ADCK1: variants seen among roughly 807,000 people sequenced by gnomAD.
ADCK1 encodes aarF domain containing kinase 1.
ADCK1 carries 41 observed loss-of-function variants against 52.3 expected under a neutral mutation model. The observed-to-expected ratio is 0.78, with a 90% CI of 0.61 to 1.02. The LOEUF (loss-of-function observed/expected upper bound fraction) is 1.02. Among genes scored for constraint, ADCK1 ranks in the 50% least tolerant of loss-of-function variants. The pLI is 0.00. For synonymous variants in ADCK1, 250 were observed against 274.6 expected (o/e 0.91, Z 0.89); for missense variants, 658 against 679.5 (o/e 0.97, Z 0.35).
At chr14:77,803,469 T>G (rs1224425635) in intron 1 of ADCK1, among the ~76,000 whole-genome samples, 2 of 152,182 alleles carry the variant, frequency 1.3e-5, no homozygotes, top group African/African-American at 4.8e-5. Context: ...CCCATTTAGT[T>G]CTGTCAAGGG....
chr14:77,872,300 C>T (rs1031998599), intron 4 of ADCK1, among the ~76,000 whole-genome samples: 2 of 152,162 alleles, frequency 1.3e-5, no homozygotes, highest in Non-Finnish European at 2.9e-5. Context: ...GCTTGAGTGT[C>T]ACCGGACTCC....
At chr14:77,909,836 C>A (rs2083752920) in intron 7 of ADCK1, among the ~76,000 whole-genome samples, 2 of 152,168 alleles carry the variant, frequency 1.3e-5, no homozygotes, top group African/African-American at 4.8e-5. Flanking sequence ...CTGTGCCAGG[C>A]CCTTTTCTCC....
chr14:77,801,293 C>T (rs1325173522), intron 1 of ADCK1, among the ~76,000 whole-genome samples: 1 of 152,158 alleles, frequency 6.6e-6, no homozygotes, highest in East Asian at 1.9e-4. Context: ...ACGTTGAGTA[C>T]CACTGCTTTA....
chr14:77,821,099 C>T (rs1194954806), intron 2 of ADCK1: 1 of 152,146 alleles, frequency 6.6e-6, no homozygotes, highest in Non-Finnish European at 1.5e-5. Flanking sequence ...CTGTGACTGA[C>T]TGTGAACAAT....
chr14:77,825,142 G>A (rs143940531), intron 3 of ADCK1, among the ~76,000 whole-genome samples: 1 of 152,172 alleles, frequency 6.6e-6, no homozygotes, highest in Non-Finnish European at 1.5e-5. Context: ...TGCCACAGAC[G>A]ATAGTTGGTT....
intron 1 of ADCK1, among the ~76,000 whole-genome samples, chr14:77,805,933 A>G (rs189419731): frequency 1.3e-5 from 2 of 151,222 alleles, no homozygotes; most frequent in South Asian, 4.2e-4. Context: ...GATTATAGAA[A>G]CTATGCTACA....
chr14:77,892,742 C>T (rs879932873), intron 5 of ADCK1, among the ~76,000 whole-genome samples: 5 of 152,166 alleles, frequency 3.3e-5, no homozygotes, highest in Non-Finnish European at 7.4e-5. Context: ...CTGAGACCAC[C>T]TTGATTGGCT....
chr14:77,897,488 G>T (rs1439265874), intron 5 of ADCK1, among the ~76,000 whole-genome samples: 1 of 152,050 alleles, frequency 6.6e-6, no homozygotes, highest in Non-Finnish European at 1.5e-5. Context: ...CAGATCACTG[G>T]GCTCTTCTTT....
At chr14:77,857,750 A>G (rs2082451695) in intron 3 of ADCK1, among the ~76,000 whole-genome samples, 1 of 152,212 alleles carries the variant, frequency 6.6e-6, no homozygotes, top group African/African-American at 2.4e-5. Flanking sequence ...GCATGATTTT[A>G]TGGCCCCCAA....
rs921313222 is a variant in ADCK1 at position 77,844,171 on chromosome 14, A to G, written c.220-14905A>G. On this transcript the variant is annotated intron_variant, in intron 3 of 10. Transcript: ENST00000238561. The stretch of plus-strand genomic sequence containing the variant: ...CAACCTCTGCCTGGAGGTTCAAGCA[A>G]TTGGGTTCAAGCAATTCTTGTGCTT... 2.6e-5 allele frequency among the ~76,000 whole-genome samples: 4 copies of G among 151,950 alleles called. 1 individual carries two copies. Among genetic ancestry groups the G allele is most frequent in the East Asian group, 3.9e-4 (2 of 5,184 alleles).
intron 1 of ADCK1, among the ~76,000 whole-genome samples, chr14:77,815,055 A>C (rs998608586): frequency 2.0e-4 from 27 of 137,060 alleles, no homozygotes; most frequent in Non-Finnish European, 3.7e-4. Context: ...CGCCCAGCTA[A>C]TTTTTTTTTT....
At chr14:77,924,335 G>A (rs552954949) in intron 7 of ADCK1, 122 bp from the exon 8 acceptor site, 16 of 1,314,602 alleles carry the variant, frequency 1.2e-5, no homozygotes, top group South Asian at 1.0e-4. Flanking sequence ...CACCACAACC[G>A]CTCCGGCCCA....
At chr14:77,917,427 C>G (rs1252749875) in intron 7 of ADCK1, among the ~76,000 whole-genome samples, 1 of 148,036 alleles carries the variant, frequency 6.8e-6, no homozygotes, top group Non-Finnish European at 1.5e-5. Context: ...TTTTAAGACA[C>G]CCCCCAGGAA....
At chr14:77,920,970 G>C (rs2084035852) in intron 7 of ADCK1, among the ~76,000 whole-genome samples, 1 of 151,944 alleles carries the variant, frequency 6.6e-6, no homozygotes, top group African/African-American at 2.4e-5. Flanking sequence ...ATTTATATGA[G>C]CCGTGCTTTA....
At position 77,924,510 on chromosome 14, in the gene ADCK1, C is replaced by A. The variant is rs200231377; in HGVS notation, c.912C>A (p.Phe304Leu). 2 of 1,614,148 alleles carry A rather than the reference C, an allele frequency of 1.2e-6. No individual in the cohort carries two copies. The highest frequency in any genetic ancestry group is 2.2e-5 in the South Asian group (2 of 91,086). ...MYSEMIFVNG[F>L]VHCDPHPGNV... ...GTGAGATGATCTTCGTCAATGGCTT[C>A]GTGCACTGCGATCCCCACCCCGGCA... The change falls in exon 8 of 11, where the codon TTC becomes TTA. Residue 304 changes from phenylalanine (F) to leucine (L), a missense_variant. Coordinates refer to ENST00000238561, the MANE Select transcript of ADCK1 (RefSeq NM_020421.4).
chr14:77,815,199 CTTTT>C (rs56211176), intron 1 of ADCK1, among the ~76,000 whole-genome samples: 11 of 129,438 alleles, frequency 8.5e-5, no homozygotes, highest in Admixed American at 3.2e-4. Context: ...TTTGTTTTGT[CTTTT>C]TTTTTTTTTT....
At position 77,853,646 on chromosome 14, in the gene ADCK1, T is replaced by C. The variant is rs553862483; in HGVS notation, c.220-5430T>C. Among the ~76,000 whole-genome samples, 40 of 152,348 alleles carry C rather than the reference T, an allele frequency of 2.6e-4. No individual in the cohort carries two copies. In the South Asian group the frequency reaches 6.2e-3, roughly 24 times the overall value. ...TGTCCCATGAACTATGAGATTTTTT[T>C]CATCTTGGCTGGTGGAAATAGGTCC... On this transcript the variant is annotated intron_variant, in intron 3 of 10. Coordinates refer to ENST00000238561, the MANE Select transcript of ADCK1 (RefSeq NM_020421.4).
intron 4 of ADCK1, among the ~76,000 whole-genome samples, chr14:77,874,972 G>A (rs184504160): frequency 7.2e-5 from 11 of 152,248 alleles, no homozygotes; most frequent in Admixed American, 7.2e-4. Flanking sequence ...AAGAGCCTGG[G>A]TCTGTCCAGG....
intron 7 of ADCK1, among the ~76,000 whole-genome samples, chr14:77,913,333 C>T (rs997198495): frequency 1.3e-5 from 2 of 152,260 alleles, no homozygotes; most frequent in Admixed American, 1.3e-4. Context: ...CTGATCTGCA[C>T]CTCCAGGCCC....
Sources: gnomAD v4.1 joint callset for allele counts (sites outside exome capture counted in the v4.1 genomes callset) on GRCh38, gnomAD v4.1.1 for gene constraint, MANE v1.5 for transcripts, NCBI Gene and HGNC (gene_info 2026-07-23, HGNC 2026-07-21) for gene names.